Variants in TMOD3 observed in about 807,000 individuals in gnomAD.
TMOD3 encodes tropomodulin-3.
A neutral mutation model predicts 39.2 loss-of-function variants in TMOD3; 20 were observed. The observed-to-expected ratio is 0.51, with a 90% confidence interval of 0.36 to 0.74. TMOD3 has a LOEUF of 0.74. Among genes scored for constraint, TMOD3 ranks in the 30% least tolerant of loss-of-function variants. The pLI is 0.00. For synonymous variants in TMOD3, 143 were observed against 145.8 expected (o/e 0.98, Z 0.14); for missense variants, 381 against 412.8 (o/e 0.92, Z 0.67).
At chr15:51,871,902 C>T (rs1216953639) in intron 3 of TMOD3, among the ~76,000 whole-genome samples, 5 of 152,092 alleles carry the variant, frequency 3.3e-5, no homozygotes, top group Non-Finnish European at 7.4e-5. Context: ...CTTTATAATA[C>T]ATTCGGTATT....
intron 3 of TMOD3, among the ~76,000 whole-genome samples, chr15:51,871,836 A>G (rs2056476372): frequency 6.6e-6 from 1 of 152,226 alleles, no homozygotes; most frequent in Non-Finnish European, 1.5e-5. Context: ...TTAGATGGGT[A>G]AGAATAAATG....
chr15:51,905,950 CAAAAAAAAA>C (rs869172248), intron 9 of TMOD3, among the ~76,000 whole-genome samples: 14 of 64,744 alleles, frequency 2.2e-4, no homozygotes, highest in East Asian at 4.0e-4. Flanking sequence ...GACTCCGTCT[CAAAAAAAAA>C]AAAAAAAAAA....
At chr15:51,895,537 A>G (rs1411114192) in intron 6 of TMOD3, among the ~76,000 whole-genome samples, 1 of 151,812 alleles carries the variant, frequency 6.6e-6, no homozygotes, top group Non-Finnish European at 1.5e-5. Flanking sequence ...ATTTTTTTTA[A>G]TTTGGTCCCT....
intron 1 of TMOD3, among the ~76,000 whole-genome samples, chr15:51,840,794 A>G (rs891196859): frequency 1.3e-5 from 2 of 152,308 alleles, no homozygotes; most frequent in African/African-American, 4.8e-5. Context: ...TGACGTTTAT[A>G]GGCTCTTAGA....
chr15:51,886,781 C>T (rs908270120), intron 3 of TMOD3, among the ~76,000 whole-genome samples: 3 of 152,098 alleles, frequency 2.0e-5, no homozygotes, highest in Non-Finnish European at 2.9e-5. Context: ...TGTTCGTGTA[C>T]GTTGAGGCTT....
intron 1 of TMOD3, among the ~76,000 whole-genome samples, chr15:51,842,208 C>T (rs2056315739): frequency 6.6e-6 from 1 of 152,124 alleles, no homozygotes; most frequent in Admixed American, 6.5e-5. Context: ...GGTTTTGTGC[C>T]TGCTATCTTG....
At chr15:51,869,078 G>A (rs1294659706) in intron 2 of TMOD3, 139 bp from the exon 3 acceptor site, 2 of 832,998 alleles carry the variant, frequency 2.4e-6, no homozygotes, top group Admixed American at 3.2e-5. Context: ...GTACATTGCT[G>A]TCCTAAAATC....
chr15:51,893,047 G>A (rs1464899561), intron 5 of TMOD3, among the ~76,000 whole-genome samples: 1 of 152,012 alleles, frequency 6.6e-6, no homozygotes, highest in East Asian at 1.9e-4. Flanking sequence ...TGTAATCCCA[G>A]CACTTTGGGA....
In TMOD3 at chr15:51,866,638, A is replaced by G. The variant is rs545992158; in HGVS notation, c.127-2579A>G. Among the ~76,000 whole-genome samples, 8 of 152,332 alleles carry G rather than the reference A, an allele frequency of 5.3e-5. No homozygotes were observed. In the South Asian group the frequency reaches 1.7e-3, roughly 32 times the overall value. On this transcript the variant is annotated intron_variant, in intron 2 of 9. Coordinates refer to ENST00000308580, the MANE Select transcript of TMOD3 (RefSeq NM_014547.5). ...TGCAAATTCCATTACCACCACCATGAAATAGCAATATATACATCTATGCAT... is the reference window on the plus strand; with the variant it reads ...TGCAAATTCCATTACCACCACCATGGAATAGCAATATATACATCTATGCAT...
rs764578406 is a variant in TMOD3 at position 51,887,575 on chromosome 15, G to A, written c.284-14G>A. On this transcript the variant is annotated splice_polypyrimidine_tract_variant and intron_variant, in intron 3 of 9. Transcript: ENST00000308580. ...GCAGTAGTAATGGAATTAACAAAAT[G>A]CTTTATTTTACAGGGAAAATATTTA... 2 of 1,608,194 alleles carry A rather than the reference G, an allele frequency of 1.2e-6. No homozygotes were observed. Among genetic ancestry groups the A allele is most frequent in the Non-Finnish European group, 1.7e-6 (2 of 1,178,418 alleles).
intron 1 of TMOD3, among the ~76,000 whole-genome samples, chr15:51,835,664 T>A (rs1057471185): frequency 4.6e-5 from 7 of 152,238 alleles, no homozygotes; most frequent in African/African-American, 1.4e-4. Context: ...ATGCAATTTC[T>A]GAATTTGCCT....
At chr15:51,891,990 C>T (rs2056595834) in intron 5 of TMOD3, among the ~76,000 whole-genome samples, 1 of 152,136 alleles carries the variant, frequency 6.6e-6, no homozygotes, top group Non-Finnish European at 1.5e-5. Flanking sequence ...GGTACTTCTC[C>T]AGACTAAATA....
intron 4 of TMOD3, 104 bp downstream of exon 4, chr15:51,887,815 T>A: frequency 1.4e-6 from 2 of 1,403,526 alleles, no homozygotes; most frequent in Non-Finnish European, 1.9e-6. Context: ...ACCTAGCAAG[T>A]ACTGTTAAAT....
chr15:51,855,353 A>G (rs533698909), intron 1 of TMOD3, among the ~76,000 whole-genome samples: 5 of 152,222 alleles, frequency 3.3e-5, no homozygotes, highest in African/African-American at 9.6e-5. Flanking sequence ...GGGTGGGCCC[A>G]GGAATCTGTG....
intron 1 of TMOD3, among the ~76,000 whole-genome samples, chr15:51,854,517 T>TA (rs2141677958): frequency 6.6e-6 from 1 of 152,348 alleles, no homozygotes; most frequent in African/African-American, 2.4e-5. Context: ...ATAGACTATC[T>TA]CTCTGAATCA....
At chr15:51,872,600 GTT>G (rs58973705) in intron 3 of TMOD3, among the ~76,000 whole-genome samples, 2 of 129,864 alleles carry the variant, frequency 1.5e-5, no homozygotes, top group Non-Finnish European at 1.6e-5. Flanking sequence ...GACCAAATTT[GTT>G]TTTTTTTTTT....
chr15:51,894,028 C>G (rs1301052204), intron 6 of TMOD3, 83 bp downstream of exon 6: 2 of 1,234,648 alleles, frequency 1.6e-6, no homozygotes, highest in Admixed American at 2.7e-5. Context: ...ATAAAATAGT[C>G]TAATTCTTTC....
intron 3 of TMOD3, among the ~76,000 whole-genome samples, chr15:51,879,573 T>A (rs937782411): frequency 4.7e-5 from 2 of 42,162 alleles, no homozygotes; most frequent in East Asian, 1.2e-3. Context: ...TAAATCTGGA[T>A]TTTTTTATTT....
chr15:51,881,705 G>A (rs1246448004), intron 3 of TMOD3, among the ~76,000 whole-genome samples: 1 of 148,588 alleles, frequency 6.7e-6, no homozygotes, highest in Non-Finnish European at 1.5e-5. Context: ...GGGATTACAG[G>A]CATGCACCAC....
Sources: allele counts gnomAD v4.1 joint callset (sites outside exome capture counted in the v4.1 genomes callset), GRCh38; gene constraint gnomAD v4.1.1; transcripts MANE v1.5; gene names NCBI Gene and HGNC (gene_info 2026-07-23, HGNC 2026-07-21).